Variants in PFDN4 observed in about 807,000 individuals in gnomAD.
PFDN4 encodes prefoldin 4.
PFDN4 carries 6 observed loss-of-function variants against 17.6 expected under a neutral mutation model. That is an observed-to-expected ratio of 0.34 (90% CI 0.19 to 0.67). The LOEUF (loss-of-function observed/expected upper bound fraction) is 0.67, where lower values mean the gene tolerates loss of function less well. Ranked by LOEUF, PFDN4 falls within the 30% of genes least tolerant of loss-of-function variation. The probability of loss-of-function intolerance (pLI) is 0.68; values close to 1 mark genes in which losing one functional copy is unlikely to be tolerated. For synonymous variants in PFDN4, 48 were observed against 51.1 expected (o/e 0.94, Z 0.26); for missense variants, 119 against 158.4 (o/e 0.75, Z 1.33).
chr20:54,214,351 G>A lies in PFDN4; in HGVS notation c.25G>A (p.Ala9Thr), dbSNP rs1331542972. 1.3e-6 allele frequency: 2 copies of A among 1,539,580 alleles called. No individual in the cohort carries two copies. The highest frequency in any genetic ancestry group is 1.2e-5 in the South Asian group (1 of 85,372). The change falls in exon 2 of 4, where the codon GCT (alanine) becomes ACT (threonine). Residue 9 changes from alanine to threonine, a missense_variant and splice_region_variant. This residue lies in a region of PFDN4 where 29 missense variants were observed against 18.9 expected (regional missense o/e 1.54). Coordinates refer to ENST00000371419, the MANE Select transcript of PFDN4 (RefSeq NM_002623.4). ...ACAAAAACTTAAACACTTCTTTCAG[G>A]CTGCAGAAGATGTCAATGTTACTTT... MAATMKKA[A>T]AEDVNVTFED...
intron 3 of PFDN4, among the ~76,000 whole-genome samples, chr20:54,216,760 A>G (rs980019493): frequency 2.0e-5 from 3 of 151,918 alleles, no homozygotes; most frequent in Non-Finnish European, 2.9e-5. Flanking sequence ...GGGTTCAAAC[A>G]ATTCTCCTGC....
At chr20:54,212,211 T>G (rs867638123) in intron 1 of PFDN4, among the ~76,000 whole-genome samples, 8 of 149,536 alleles carry the variant, frequency 5.3e-5, no homozygotes, top group African/African-American at 2.0e-4. Context: ...AAAAAAAAAA[T>G]TACCCACTTC....
At chr20:54,214,574 G>A (rs911661671) in intron 2 of PFDN4, 116 bp downstream of exon 2, 18 of 568,122 alleles carry the variant, frequency 3.2e-5, no homozygotes, top group Non-Finnish European at 4.7e-5. Context: ...GATGAATGAC[G>A]CGATCCACTC....
chr20:54,216,110 A>G (rs754865231), intron 3 of PFDN4, among the ~76,000 whole-genome samples: 1 of 152,270 alleles, frequency 6.6e-6, no homozygotes, highest in Non-Finnish European at 1.5e-5. Context: ...ATTCTTCTAC[A>G]TAAATCTTTG....
Position 54,219,034 on chromosome 20 carries a change from G to A in PFDN4, c.289G>A (p.Glu97Lys). 2 of 1,544,358 alleles carry A rather than the reference G, an allele frequency of 1.3e-6. No individual in the cohort carries two copies. The highest frequency in any genetic ancestry group is 1.7e-6 in the Non-Finnish European group (2 of 1,143,292). The change falls in exon 4 of 4, where the codon GAA becomes AAA. Residue 97 changes from glutamate (E) to lysine (K), a missense_variant. Transcript: ENST00000371419. ...LEEAKKNLQE[E>K]IDALESRVES... ...TTTTTTCCAGAAAAATTTGCAAGAA[G>A]AAATTGACGCCTTAGAATCCAGAGT...
intron 1 of PFDN4, chr20:54,208,367 G>T: frequency 2.3e-6 from 1 of 431,546 alleles, no homozygotes; most frequent in Non-Finnish European, 4.1e-6. Flanking sequence ...CTCGAAGGAC[G>T]CAGGTCCGCC....
At chr20:54,218,044 G>A (rs2092764941) in intron 3 of PFDN4, among the ~76,000 whole-genome samples, 1 of 152,086 alleles carries the variant, frequency 6.6e-6, no homozygotes, top group Admixed American at 6.6e-5. Context: ...TTTCTAAAAC[G>A]GCAACACTGT....
intron 3 of PFDN4, among the ~76,000 whole-genome samples, chr20:54,216,184 A>T (rs2092762205): frequency 6.6e-6 from 1 of 152,246 alleles, no homozygotes; most frequent in African/African-American, 2.4e-5. Flanking sequence ...GTCAGTCAGC[A>T]TATGAGTTCT....
At position 54,219,152 on chromosome 20, in the gene PFDN4, C is replaced by T. The variant is rs1407249041; in HGVS notation, c.*2C>T. 1 of 1,472,954 alleles carries T rather than the reference C, an allele frequency of 6.8e-7. No homozygotes were observed. Among genetic ancestry groups the T allele is most frequent in the Non-Finnish European group, 9.1e-7 (1 of 1,097,926 alleles). The allele number at this position is 1,472,954 out of a possible 1,614,324, so 91.2% of individuals were successfully genotyped here. ...AACCTTGAAGCTGATGAAAGTTAAACATTTTATAATACTTTTTTTATTTGT... is the reference window on the plus strand; with the variant it reads ...AACCTTGAAGCTGATGAAAGTTAAATATTTTATAATACTTTTTTTATTTGT... On this transcript the variant is annotated 3_prime_UTR_variant, in exon 4 of 4. Transcript: ENST00000371419.
chr20:54,217,766 G>A (rs573434036), intron 3 of PFDN4, among the ~76,000 whole-genome samples: 4 of 152,268 alleles, frequency 2.6e-5, no homozygotes, highest in South Asian at 4.1e-4. Context: ...GGTTTTCTCG[G>A]TATAGAAATT....
chr20:54,211,077 C>G (rs922373126), intron 1 of PFDN4, among the ~76,000 whole-genome samples: 1 of 152,018 alleles, frequency 6.6e-6, no homozygotes, highest in Non-Finnish European at 1.5e-5. Context: ...GAGCAAGACT[C>G]GTCTCAAAAA....
At chr20:54,212,933 T>C (rs2092757901) in intron 1 of PFDN4, among the ~76,000 whole-genome samples, 1 of 152,272 alleles carries the variant, frequency 6.6e-6, no homozygotes. Flanking sequence ...TAAAGGATTT[T>C]TTCAGGCTAT....
chr20:54,212,696 G>C (rs930868365), intron 1 of PFDN4, among the ~76,000 whole-genome samples: 1 of 152,208 alleles, frequency 6.6e-6, no homozygotes, highest in African/African-American at 2.4e-5. Context: ...CCTGTTGGGG[G>C]TTCAATATTT....
At chr20:54,213,969 C>G (rs1192527646) in intron 1 of PFDN4, among the ~76,000 whole-genome samples, 2 of 152,062 alleles carry the variant, frequency 1.3e-5, no homozygotes, top group Non-Finnish European at 2.9e-5. Context: ...TACTCTGAGA[C>G]ATTTACCAAT....
intron 1 of PFDN4, among the ~76,000 whole-genome samples, chr20:54,209,310 T>C (rs2092752623): frequency 1.3e-5 from 2 of 152,198 alleles, no homozygotes; most frequent in African/African-American, 2.4e-5. Context: ...TTCATTCCAC[T>C]TTTAAGACCA....
At chr20:54,214,691 T>C (rs1601175812) in intron 2 of PFDN4, among the ~76,000 whole-genome samples, 1 of 152,112 alleles carries the variant, frequency 6.6e-6, no homozygotes, top group South Asian at 2.1e-4. Flanking sequence ...CTCGGAGAAC[T>C]TGGCTGGCGG....
intron 3 of PFDN4, 68 bp from the exon 4 acceptor site, chr20:54,218,951 T>C: frequency 2.9e-6 from 3 of 1,045,132 alleles, no homozygotes; most frequent in Non-Finnish European, 4.1e-6. Context: ...TCCCAAATAT[T>C]ATTTCAGACA....
chr20:54,219,053 C>A lies in PFDN4; in HGVS notation c.308C>A (p.Ser103Tyr). ...CAAGAAGAAATTGACGCCTTAGAAT[C>A]CAGAGTGGAATCAATTCAGCGAGTG... The part of the protein sequence containing the change: ...NLQEEIDALE[S>Y]RVESIQRVLA... The change falls in exon 4 of 4, where the codon TCC becomes TAC. Residue 103 changes from serine to tyrosine, a missense_variant. Physicochemically the swap from Ser to Tyr is moderately radical, Grantham distance 144. This residue lies in a region of PFDN4 where 81 missense variants were observed against 111.7 expected (regional missense o/e 0.73). Transcript: ENST00000371419. The A allele has an allele frequency of 6.4e-7, 1 of 1,572,812 alleles. No individual in the cohort carries two copies. Among genetic ancestry groups the A allele is most frequent in the Non-Finnish European group, 8.6e-7 (1 of 1,158,314 alleles).
chr20:54,218,302 TAGAA>T (rs61101651), intron 3 of PFDN4, among the ~76,000 whole-genome samples: 2,040 of 152,050 alleles, frequency 0.013, 45 homozygotes, highest in African/African-American at 0.047. Context: ...GATAGGTAGG[TAGAA>T]AGAATTGTCC....
Sources: allele counts gnomAD v4.1 joint callset (sites outside exome capture counted in the v4.1 genomes callset), GRCh38; gene constraint gnomAD v4.1.1; regional missense constraint gnomAD v4.1.1; transcripts MANE v1.5; gene names NCBI Gene and HGNC (gene_info 2026-07-23, HGNC 2026-07-21).